Variants in PTPRU observed in about 807,000 individuals in gnomAD.
PTPRU encodes receptor-type tyrosine-protein phosphatase U.
A neutral mutation model predicts 166.3 loss-of-function variants in PTPRU; 69 were observed. That is an observed-to-expected ratio of 0.41 (90% CI 0.34 to 0.51). The LOEUF (loss-of-function observed/expected upper bound fraction) is 0.51. Among genes scored for constraint, PTPRU ranks in the 20% least tolerant of loss-of-function variants. PTPRU has a pLI of 0.09. For synonymous variants in PTPRU, 793 were observed against 814.0 expected, an observed-to-expected ratio of 0.97 and a Z score of 0.44; for missense variants, 1,657 against 2,013.7, an observed-to-expected ratio of 0.82 and a Z score of 3.39.
At chr1:29,274,303 T>C (rs1199033130) in intron 7 of PTPRU, among the ~76,000 whole-genome samples, 1 of 152,000 alleles carries the variant, frequency 6.6e-6, no homozygotes, top group Non-Finnish European at 1.5e-5. Flanking sequence ...CCTCCCAAAG[T>C]GCTGGGATTA....
intron 25 of PTPRU, among the ~76,000 whole-genome samples, chr1:29,318,610 T>C (rs1045418307): frequency 2.6e-5 from 4 of 152,206 alleles, no homozygotes; most frequent in African/African-American, 7.2e-5. Context: ...GGAGATCATA[T>C]GTTATAGATA....
Position 29,305,383 on chromosome 1 carries a change from G to A in PTPRU, c.2775G>A (p.Met925Ile). The change falls in exon 18 of 30, where the codon ATG (methionine) becomes ATA (isoleucine). Residue 925 changes from methionine (M) to isoleucine (I), a missense_variant. Coordinates refer to ENST00000373779, the MANE Select transcript of PTPRU (RefSeq NM_133178.4). ...GGCACCGAGTGAAACTGCACCCGATGCTGGGAGACCCCAATGCCGACTACA... is the reference window on the plus strand; with the variant it reads ...GGCACCGAGTGAAACTGCACCCGATACTGGGAGACCCCAATGCCGACTACA... The part of the protein sequence containing the change: ...YDRHRVKLHP[M>I]LGDPNADYIN... The A allele has an allele frequency of 6.2e-7, 1 of 1,614,034 alleles. No homozygotes were observed. The highest frequency in any genetic ancestry group is 8.5e-7 in the Non-Finnish European group (1 of 1,180,046).
rs1684731138 is a variant in PTPRU, at chr1:29,255,341, A to G, written c.140A>G (p.Asp47Gly). ...TGCGAGTACAGCCAGGCCCAGTACG[A>G]TGACTTCCAGTGGGAGCAAGTGCGA... is the stretch of plus-strand genomic sequence containing the variant. ...VPCEYSQAQY[D>G]DFQWEQVRIH... is the part of the protein sequence containing the mutation. Residue 47 changes from aspartate (D) to glycine (G), a missense_variant, in exon 2 of 30, where the codon GAT becomes GGT. By Grantham distance (94) the Asp-to-Gly change is moderately conservative. Coordinates refer to ENST00000373779, the MANE Select transcript of PTPRU (RefSeq NM_133178.4). The G allele has an allele frequency of 6.2e-7, 1 of 1,614,170 alleles. No homozygotes were observed. The highest frequency in any genetic ancestry group is 2.2e-5 in the East Asian group (1 of 44,890).
At chr1:29,278,195 A>G (rs553593255) in intron 8 of PTPRU, among the ~76,000 whole-genome samples, 1 of 152,274 alleles carries the variant, frequency 6.6e-6, no homozygotes, top group South Asian at 2.1e-4. Flanking sequence ...TACAGATTCC[A>G]GTTACCACTA....
intron 15 of PTPRU, among the ~76,000 whole-genome samples, chr1:29,303,566 G>A (rs1687238470): frequency 6.6e-6 from 1 of 152,192 alleles, no homozygotes; most frequent in Admixed American, 6.5e-5. Context: ...GTGAAGCCTC[G>A]CTGGATAGAG....
In PTPRU at chr1:29,320,487, G is replaced by A; in HGVS notation, c.3688-198G>A. 8.2e-6 allele frequency: 4 copies of A among 489,460 alleles called. No homozygotes were observed. The allele number at this position is 489,460 out of a possible 1,614,324, so 30.3% of individuals were successfully genotyped here. On this transcript the variant is annotated intron_variant, in intron 25 of 29. Transcript: ENST00000373779. This position sits in a 1 kb window ranked among gnomAD's most constrained non-coding sequence, Gnocchi z 5.2. ...TGGGGGGTCATGGGCTTGGTCCCCA[G>A]AGGCCTGGGCCCACCCTGTCAACCC...
intron 7 of PTPRU, among the ~76,000 whole-genome samples, chr1:29,269,234 ATATATATATATATTT>A (rs1685436348): frequency 3.1e-5 from 1 of 32,534 alleles, no homozygotes. Context: ...ATATATATAT[ATATATATATATATTT>A]TTTTTTTTTT....
At chr1:29,259,105 C>T (rs536587927) in intron 3 of PTPRU, among the ~76,000 whole-genome samples, 156 bp from the exon 4 acceptor site, 6 of 152,276 alleles carry the variant, frequency 3.9e-5, no homozygotes, top group African/African-American at 1.2e-4. Context: ...TGGGACCCCA[C>T]CCCCAACTAG....
chr1:29,261,193 T>C (rs1400637539), intron 7 of PTPRU, among the ~76,000 whole-genome samples: 3 of 152,172 alleles, frequency 2.0e-5, no homozygotes, highest in Non-Finnish European at 4.4e-5. Flanking sequence ...GTGACTGAGG[T>C]ACAGAGATGT....
At chr1:29,273,046 G>A (rs1685640641) in intron 7 of PTPRU, among the ~76,000 whole-genome samples, 2 of 152,072 alleles carry the variant, frequency 1.3e-5, no homozygotes, top group African/African-American at 2.4e-5. Flanking sequence ...CTTTGCAGGC[G>A]ATCACAGAAC....
Position 29,318,520 on chromosome 1 carries a change from G to A in PTPRU, c.3687+599G>A, listed in dbSNP as rs1362730099. Among the ~76,000 whole-genome samples the A allele has an allele frequency of 2.6e-5, 4 of 152,312 alleles. No homozygotes were observed. The South Asian group carries it at 6.2e-4, about 24-fold the overall frequency. The stretch of plus-strand genomic sequence containing the variant: ...GCTCCAAGATGCTGCTGTCTGAGGC[G>A]GGAAGGGTCTAGGATTATTATCCCT... On this transcript the variant is annotated intron_variant, in intron 25 of 29. Transcript: ENST00000373779.
In PTPRU at chr1:29,325,585, CTT is replaced by C. The variant is rs2151973428; in HGVS notation, c.4249-13_4249-12del. The C allele has an allele frequency of 1.2e-6, 2 of 1,605,462 alleles. No individual in the cohort carries two copies. Among genetic ancestry groups the C allele is most frequent in the East Asian group, 4.5e-5 (2 of 44,838 alleles). ...GTCAGGCTCATGATTCCCTCCCTCTCTTCCTCTCCCCAGGATCAGTACCACTT... is the reference window on the plus strand; with the variant it reads ...GTCAGGCTCATGATTCCCTCCCTCTCCCTCTCCCCAGGATCAGTACCACTT... On this transcript the variant is annotated splice_polypyrimidine_tract_variant and intron_variant, in intron 29 of 29. Coordinates refer to ENST00000373779, the MANE Select transcript of PTPRU (RefSeq NM_133178.4).
At chr1:29,272,014 T>G (rs1023143501) in intron 7 of PTPRU, among the ~76,000 whole-genome samples, 1 of 151,830 alleles carries the variant, frequency 6.6e-6, no homozygotes, top group Admixed American at 6.6e-5. Context: ...CCACCTCGGC[T>G]CTTGTAGACT....
intron 7 of PTPRU, among the ~76,000 whole-genome samples, chr1:29,274,811 G>A (rs1187595986): frequency 6.6e-6 from 1 of 152,106 alleles, no homozygotes; most frequent in East Asian, 1.9e-4. Flanking sequence ...AGCACTTTGG[G>A]AGGCTGAGGT....
chr1:29,248,328 A>G (rs1684388347), intron 1 of PTPRU, among the ~76,000 whole-genome samples: 1 of 152,198 alleles, frequency 6.6e-6, no homozygotes, highest in Non-Finnish European at 1.5e-5. Context: ...GGGTTAGGCA[A>G]GAAAGTCAGG....
At chr1:29,316,483 C>T (rs772702403) in intron 24 of PTPRU, among the ~76,000 whole-genome samples, 17 of 152,124 alleles carry the variant, frequency 1.1e-4, no homozygotes, top group Non-Finnish European at 2.1e-4. Context: ...GTTAATATGT[C>T]CCTTGGGGTG....
chr1:29,320,939 G>C lies in PTPRU; in HGVS notation c.3828+114G>C. 8.0e-7 allele frequency: 1 copy of C among 1,249,624 alleles called. No individual in the cohort carries two copies. Among genetic ancestry groups the C allele is most frequent in the Admixed American group, 2.9e-5 (1 of 34,596 alleles). 77.4% of individuals were successfully genotyped at this position (1,249,624 alleles called of 1,614,324 possible). ...GTCCCAGCTCTGCCATCTATTTATTGTGTGATGAATCATACACCTTCCCAG... is the reference window on the plus strand; with the variant it reads ...GTCCCAGCTCTGCCATCTATTTATTCTGTGATGAATCATACACCTTCCCAG... On this transcript the variant is annotated intron_variant, in intron 26 of 29. Coordinates refer to ENST00000373779, the MANE Select transcript of PTPRU (RefSeq NM_133178.4). The surrounding 1 kb of genome is among the most constrained non-coding windows in gnomAD (Gnocchi z 5.2).
intron 14 of PTPRU, among the ~76,000 whole-genome samples, chr1:29,287,689 G>A (rs892338441): frequency 6.6e-6 from 1 of 151,850 alleles, no homozygotes; most frequent in Non-Finnish European, 1.5e-5. Flanking sequence ...CTGCCTCCCA[G>A]GTTCACGCCA....
chr1:29,242,902 C>CT lies in PTPRU; in HGVS notation c.73+6198dup, dbSNP rs778731913. ...CTGCCTGCCATCACGCTCTCGGTTT[C>CT]TTTTTTTTTTTTTGAGATGGAGTCT... On this transcript the variant is annotated intron_variant, in intron 1 of 29. Transcript: ENST00000373779. 4.6e-3 allele frequency among the ~76,000 whole-genome samples: 662 copies of CT among 144,412 alleles called. 2 individuals are homozygous for CT. The highest frequency in any genetic ancestry group is 7.2e-3 in the Middle Eastern group (2 of 276). The allele number at this position is 144,412 out of a possible 152,430, so 94.7% of individuals were successfully genotyped here. A position where few individuals can be genotyped will look rare whatever the true frequency, so the allele number is the denominator to read the frequency against.
Sources: gnomAD v4.1 joint callset for allele counts (sites outside exome capture counted in the v4.1 genomes callset) on GRCh38, gnomAD v4.1.1 for gene constraint, Gnocchi (gnomAD v3.1) non-coding constraint, MANE v1.5 for transcripts, NCBI Gene and HGNC (gene_info 2026-07-23, HGNC 2026-07-21) for gene names.